SCAI: variants seen among roughly 807,000 people sequenced by gnomAD.
SCAI encodes the protein protein SCAI.
SCAI carries 24 observed loss-of-function variants against 92.2 expected under a neutral mutation model. The observed-to-expected ratio is 0.26, with a 90% CI of 0.19 to 0.37. SCAI has a LOEUF of 0.37. SCAI is among the 10% of genes least tolerant of loss of function. SCAI has a pLI of 1.00. For missense variants in SCAI, 450 were observed against 736.2 expected (o/e 0.61, Z 4.50); for synonymous variants, 261 against 258.6 (o/e 1.01, Z -0.09).
intron 2 of SCAI, among the ~76,000 whole-genome samples, chr9:125,121,811 T>C (rs1314008816): frequency 6.6e-6 from 1 of 152,030 alleles, no homozygotes; most frequent in South Asian, 2.1e-4. Context: ...CGGGAGATCA[T>C]GCCACTGCAC....
At position 125,059,129 on chromosome 9, in the gene SCAI, G is replaced by C. The variant is rs572003815; in HGVS notation, c.99-3122C>G. On this transcript the variant is annotated intron_variant, in intron 2 of 17. Transcript: ENST00000336505. ...AGTAAAATCCAGCAGACACTGCCTT[G>C]ATCAAATGATCAAAGTGAACATCAT... is the stretch of plus-strand genomic sequence containing the variant. 3.9e-5 allele frequency among the ~76,000 whole-genome samples: 6 copies of C among 152,266 alleles called. No homozygotes were observed. In the South Asian group the frequency reaches 1.2e-3, roughly 32 times the overall value.
At chr9:124,957,604 T>C (rs1831345760) in intron 17 of SCAI, among the ~76,000 whole-genome samples, 1 of 149,382 alleles carries the variant, frequency 6.7e-6, no homozygotes, top group Non-Finnish European at 1.5e-5. Flanking sequence ...ACTCCTGACC[T>C]TGTGATCCGC....
chr9:125,076,108 C>G (rs1165684934), intron 2 of SCAI, among the ~76,000 whole-genome samples: 1 of 152,166 alleles, frequency 6.6e-6, no homozygotes, highest in Admixed American at 6.5e-5. Flanking sequence ...AGGGGACACT[C>G]GAGCAACATC....
chr9:125,030,522 T>C (rs1833053565), intron 3 of SCAI, among the ~76,000 whole-genome samples: 1 of 152,076 alleles, frequency 6.6e-6, no homozygotes, highest in Non-Finnish European at 1.5e-5. Flanking sequence ...AATTTGAGGG[T>C]TGTTACAGCA....
At chr9:125,042,535 C>T (rs1350296726) in intron 3 of SCAI, among the ~76,000 whole-genome samples, 1 of 151,636 alleles carries the variant, frequency 6.6e-6, no homozygotes, top group South Asian at 2.1e-4. Context: ...TCTTGTAACT[C>T]TTTTTTCTGT....
rs556990421 is a variant in SCAI, at chr9:125,009,175, TAGA to T, written c.862-5608_862-5606del. On this transcript the variant is annotated intron_variant, in intron 9 of 17. Transcript: ENST00000336505. Reference sequence around the variant, plus strand: ...AGAAAATATAAAATATAAAATATTATAGAAGAAGCAGGATTGGAAAAAATACAA... The same window carrying T: ...AGAAAATATAAAATATAAAATATTATAGAAGCAGGATTGGAAAAAATACAA... Among the ~76,000 whole-genome samples the T allele has an allele frequency of 3.0e-3, 464 of 152,260 alleles. 2 individuals carry two copies. Among genetic ancestry groups the T allele is most frequent in the Non-Finnish European group, 4.2e-3 (287 of 68,014 alleles).
At chr9:125,127,048 G>A (rs1364500560) in intron 2 of SCAI, among the ~76,000 whole-genome samples, 1 of 152,046 alleles carries the variant, frequency 6.6e-6, no homozygotes, top group African/African-American at 2.4e-5. Context: ...GAAGAAAAAT[G>A]GGAGCAATTT....
intron 3 of SCAI, among the ~76,000 whole-genome samples, chr9:125,039,436 T>C (rs1233953622): frequency 6.9e-6 from 1 of 144,078 alleles, no homozygotes; most frequent in Non-Finnish European, 1.5e-5. Flanking sequence ...GAAATAGCAA[T>C]CTGGGTATCT....
chr9:125,007,029 G>A (rs1231448629), intron 9 of SCAI, among the ~76,000 whole-genome samples: 1 of 152,050 alleles, frequency 6.6e-6, no homozygotes, highest in African/African-American at 2.4e-5. Context: ...TGTGGTGGGA[G>A]AATCAACTGA....
intron 7 of SCAI, among the ~76,000 whole-genome samples, chr9:125,020,336 T>C (rs1347940357): frequency 6.6e-6 from 1 of 152,196 alleles, no homozygotes; most frequent in Non-Finnish European, 1.5e-5. Context: ...TAAAGCATTA[T>C]GTACTTTTTC....
chr9:124,967,046 A>AT (rs1588121757), intron 17 of SCAI, among the ~76,000 whole-genome samples: 1 of 152,182 alleles, frequency 6.6e-6, no homozygotes, highest in East Asian at 1.9e-4. Flanking sequence ...TAACATGAGC[A>AT]TAACTTTGTG....
chr9:125,084,063 C>T (rs1040129487), intron 2 of SCAI, among the ~76,000 whole-genome samples: 2 of 148,052 alleles, frequency 1.4e-5, no homozygotes, highest in Admixed American at 6.9e-5. Flanking sequence ...TACGGAGGAA[C>T]GAGAGGGTCT....
chr9:125,020,557 G>C (rs968849357), intron 7 of SCAI, 116 bp downstream of exon 7: 1 of 549,426 alleles, frequency 1.8e-6, no homozygotes, highest in African/African-American at 2.0e-5. Context: ...ACTATACTTT[G>C]AATATTGTAA....
intron 14 of SCAI, among the ~76,000 whole-genome samples, chr9:124,985,879 A>G (rs970774197): frequency 3.3e-5 from 5 of 151,900 alleles, no homozygotes; most frequent in East Asian, 1.9e-4. Context: ...AAAAAAAAAA[A>G]AAAGAAATTC....
At chr9:125,049,748 G>A (rs561292263) in intron 3 of SCAI, among the ~76,000 whole-genome samples, 15 of 152,188 alleles carry the variant, frequency 9.9e-5, no homozygotes, top group African/African-American at 2.9e-4. Context: ...ACCTCCAAGC[G>A]TAAAAAGAGA....
At chr9:124,986,927 C>G (rs991288200) in intron 14 of SCAI, among the ~76,000 whole-genome samples, 2 of 152,198 alleles carry the variant, frequency 1.3e-5, no homozygotes, top group Non-Finnish European at 2.9e-5. Context: ...ATCTGTAAGT[C>G]ATTTTCACAG....
intron 2 of SCAI, among the ~76,000 whole-genome samples, chr9:125,140,122 G>A (rs1034914487): frequency 6.6e-6 from 1 of 152,162 alleles, no homozygotes; most frequent in African/African-American, 2.4e-5. Flanking sequence ...TTGGGAGGCT[G>A]AGGTGGAAGG....
intron 2 of SCAI, among the ~76,000 whole-genome samples, chr9:125,114,055 C>T (rs1834987601): frequency 6.6e-6 from 1 of 152,178 alleles, no homozygotes; most frequent in Non-Finnish European, 1.5e-5. Flanking sequence ...AAACTGTGTG[C>T]TCAGGTGCCT....
At chr9:125,093,470 G>A (rs1834482986) in intron 2 of SCAI, among the ~76,000 whole-genome samples, 1 of 152,108 alleles carries the variant, frequency 6.6e-6, no homozygotes, top group Non-Finnish European at 1.5e-5. Flanking sequence ...GTGTTCCTGA[G>A]CTCAAATCTC....
Sources: gnomAD v4.1 joint callset for allele counts (sites outside exome capture counted in the v4.1 genomes callset) on GRCh38, gnomAD v4.1.1 for gene constraint, MANE v1.5 for transcripts, NCBI Gene and HGNC (gene_info 2026-07-23, HGNC 2026-07-21) for gene names.